The following ANGPT2 variants were observed in gnomAD, a reference collection of about 807,000 sequenced individuals.
The protein encoded by ANGPT2 is angiopoietin-2.
In ANGPT2, 28 loss-of-function variants were observed where a neutral mutation model predicts 62.9. That is an observed-to-expected ratio of 0.44 (90% CI 0.33 to 0.61). The LOEUF (loss-of-function observed/expected upper bound fraction) is 0.61. Among genes scored for constraint, ANGPT2 ranks in the 20% least tolerant of loss-of-function variants. The pLI, the probability that ANGPT2 is intolerant of heterozygous loss-of-function variation, is 0.03. For synonymous variants in ANGPT2, 284 were observed against 207.8 expected, an observed-to-expected ratio of 1.37 and a Z score of -3.15; for missense variants, 727 against 594.9, an observed-to-expected ratio of 1.22 and a Z score of -2.31.
chr8:6,508,714 A>G (rs1167760201), intron 8 of ANGPT2: 3 of 649,600 alleles, frequency 4.6e-6, no homozygotes, highest in African/African-American at 1.8e-5. Flanking sequence ...GAGGAGACAC[A>G]GTTGGCTTGC....
At chr8:6,538,410 A>G (rs1409710375) in intron 1 of ANGPT2, among the ~76,000 whole-genome samples, 1 of 152,162 alleles carries the variant, frequency 6.6e-6, no homozygotes, top group Admixed American at 6.5e-5. Context: ...AGGAATCCAC[A>G]TGCAAAGCTG....
At position 6,523,368 on chromosome 8, in the gene ANGPT2, T is replaced by A. The variant is rs370229435; in HGVS notation, c.567-1958A>T. ...TGTAAGTCCTAAGATACTTTATTAA[T>A]GGTTATATAGTTTGCCTTCCTAATT... On this transcript the variant is annotated intron_variant, in intron 3 of 8. Transcript: ENST00000629816. Among the ~76,000 whole-genome samples, 17 of 152,326 alleles carry A rather than the reference T, an allele frequency of 1.1e-4. No individual in the cohort carries two copies. In the Middle Eastern group the frequency reaches 0.01, roughly 91 times the overall value.
intron 8 of ANGPT2, among the ~76,000 whole-genome samples, chr8:6,506,774 A>G (rs1813808171): frequency 6.8e-6 from 1 of 147,240 alleles, no homozygotes; most frequent in Non-Finnish European, 1.5e-5. Flanking sequence ...GAACCAGAGG[A>G]TTGCTTTTTT....
chr8:6,554,582 G>A (rs998120655), intron 1 of ANGPT2, among the ~76,000 whole-genome samples: 2 of 152,090 alleles, frequency 1.3e-5, no homozygotes, highest in African/African-American at 4.8e-5. Flanking sequence ...TAATTTGGTT[G>A]TTGGTTTTTA....
intron 2 of ANGPT2, among the ~76,000 whole-genome samples, chr8:6,529,942 C>T (rs551714190): frequency 1.9e-4 from 29 of 151,758 alleles, no homozygotes; most frequent in Middle Eastern, 3.4e-3. Flanking sequence ...AGTCTCTGAC[C>T]GCTATAGGAT....
intron 1 of ANGPT2, among the ~76,000 whole-genome samples, chr8:6,534,038 C>T (rs1820038328): frequency 6.6e-6 from 1 of 152,076 alleles, no homozygotes; most frequent in Non-Finnish European, 1.5e-5. Context: ...TCTCTAAGCT[C>T]CCAGCTCCCT....
chr8:6,513,673 C>A lies in ANGPT2; in HGVS notation c.1196+5G>T. 6.2e-7 allele frequency: 1 copy of A among 1,603,888 alleles called. No homozygotes were observed. Among genetic ancestry groups the A allele is most frequent in the Non-Finnish European group, 8.5e-7 (1 of 1,175,858 alleles). On this transcript the variant is annotated splice_donor_5th_base_variant and intron_variant, in intron 7 of 8. Transcript: ENST00000629816. Reference sequence around the variant, plus strand: ...TTTTCTTTCAATTACCATGAACTCACTTACCTATAATTGAGTTCTTCACTT... The same window carrying A: ...TTTTCTTTCAATTACCATGAACTCAATTACCTATAATTGAGTTCTTCACTT...
chr8:6,559,244 C>CACACACAG (rs1825143106), intron 1 of ANGPT2, among the ~76,000 whole-genome samples: 1 of 151,886 alleles, frequency 6.6e-6, no homozygotes, highest in Admixed American at 6.6e-5. Flanking sequence ...CACACACACA[C>CACACACAG]ACACACACAC....
At chr8:6,535,985 A>G (rs559916844) in intron 1 of ANGPT2, among the ~76,000 whole-genome samples, 16 of 152,238 alleles carry the variant, frequency 1.1e-4, no homozygotes, top group African/African-American at 3.9e-4. Flanking sequence ...TGAGCCCAGG[A>G]GAGCAAGGCT....
intron 5 of ANGPT2, among the ~76,000 whole-genome samples, chr8:6,517,023 G>A (rs1250619126): frequency 2.0e-5 from 3 of 152,108 alleles, no homozygotes; most frequent in East Asian, 1.9e-4. Flanking sequence ...AAAGAACAGA[G>A]GATTTGTAAA....
chr8:6,522,228 G>A (rs1209176376), intron 3 of ANGPT2, among the ~76,000 whole-genome samples: 2 of 152,070 alleles, frequency 1.3e-5, no homozygotes, highest in African/African-American at 2.4e-5. Flanking sequence ...GGTGGCGGGC[G>A]CCTGTAGTCA....
At chr8:6,541,888 GTCCT>G (rs1313189739) in intron 1 of ANGPT2, among the ~76,000 whole-genome samples, 1 of 151,814 alleles carries the variant, frequency 6.6e-6, no homozygotes, top group Non-Finnish European at 1.5e-5. Flanking sequence ...CATGCCTGTG[GTCCT>G]AGCTACTCAG....
At chr8:6,504,292 T>C (rs1475945266) in intron 8 of ANGPT2, among the ~76,000 whole-genome samples, 1 of 116,422 alleles carries the variant, frequency 8.6e-6, no homozygotes, top group Non-Finnish European at 1.6e-5. Context: ...CACTCCAGCC[T>C]GGGCGACAGA....
chr8:6,530,999 C>CT (rs112687351), intron 2 of ANGPT2, among the ~76,000 whole-genome samples: 26,944 of 151,914 alleles, frequency 0.18, 2,870 homozygotes, highest in African/African-American at 0.3. Context: ...TAAATCTGCT[C>CT]TTTTTTTAAA....
At position 6,521,495 on chromosome 8, in the gene ANGPT2, C is replaced by T. The variant is rs1817328407; in HGVS notation, c.567-85G>A. ...ATTGAATTTCTACTTCTCCAAGGTA[C>T]TCTGTTAAGATATTGTAGTGGTTAT... On this transcript the variant is annotated intron_variant, in intron 3 of 8. Coordinates refer to ENST00000629816, the MANE Select transcript of ANGPT2 (RefSeq NM_001118887.2). The T allele has an allele frequency of 5.0e-6, 5 of 995,596 alleles. No individual in the cohort carries two copies. In the Admixed American group the frequency reaches 1.1e-4, roughly 22 times the overall value. 61.7% of individuals were successfully genotyped at this position (995,596 alleles called of 1,614,324 possible). A position where few individuals can be genotyped will look rare whatever the true frequency, so the allele number is the denominator to read the frequency against.
At chr8:6,541,124 T>C (rs1821481709) in intron 1 of ANGPT2, among the ~76,000 whole-genome samples, 1 of 152,220 alleles carries the variant, frequency 6.6e-6, no homozygotes, top group South Asian at 2.1e-4. Flanking sequence ...AGGCAAGGCC[T>C]GTCTCTGAGA....
At chr8:6,519,502 A>G (rs781101284) in intron 5 of ANGPT2, among the ~76,000 whole-genome samples, 2 of 152,248 alleles carry the variant, frequency 1.3e-5, no homozygotes, top group African/African-American at 2.4e-5. Context: ...CTGATGCACT[A>G]TGGTTGTTCA....
chr8:6,550,215 ACCG>A (rs1419292846), intron 1 of ANGPT2, among the ~76,000 whole-genome samples: 1 of 152,202 alleles, frequency 6.6e-6, no homozygotes, highest in Non-Finnish European at 1.5e-5. Flanking sequence ...CTCACTGGCT[ACCG>A]CTAGGTGGCT....
At chr8:6,509,391 C>G (rs1374653464) in intron 7 of ANGPT2, among the ~76,000 whole-genome samples, 1 of 152,236 alleles carries the variant, frequency 6.6e-6, no homozygotes, top group African/African-American at 2.4e-5. Flanking sequence ...GGCTCCTCCT[C>G]CCAGGTCTCC....
Sources: allele counts gnomAD v4.1 joint callset (sites outside exome capture counted in the v4.1 genomes callset), GRCh38; gene constraint gnomAD v4.1.1; transcripts MANE v1.5; gene names NCBI Gene and HGNC (gene_info 2026-07-23, HGNC 2026-07-21).